The following STK38L variants were observed in gnomAD, a reference collection of about 807,000 sequenced individuals.
The protein encoded by STK38L is serine/threonine kinase 38 like.
STK38L carries 28 observed loss-of-function variants against 59.7 expected under a neutral mutation model. The ratio of observed to expected loss-of-function variants is 0.47; its 90% CI spans 0.35 to 0.64. The LOEUF (loss-of-function observed/expected upper bound fraction) is 0.64. Ranked by LOEUF, STK38L falls within the 30% of genes least tolerant of loss-of-function variation. The pLI is 0.01. For synonymous variants in STK38L, 162 were observed against 176.8 expected (o/e 0.92, Z 0.66); for missense variants, 314 against 555.8 (o/e 0.56, Z 4.37).
chr12:27,301,449 A>T (rs1944169213), intron 2 of STK38L, among the ~76,000 whole-genome samples: 1 of 152,116 alleles, frequency 6.6e-6, no homozygotes, highest in Admixed American at 6.5e-5. Context: ...TTTAGTAGAC[A>T]CGGGGTTTCA....
chr12:27,306,585 A>G (rs1944318120), intron 3 of STK38L, among the ~76,000 whole-genome samples: 1 of 152,126 alleles, frequency 6.6e-6, no homozygotes, highest in Non-Finnish European at 1.5e-5. Flanking sequence ...AGTCTTCACT[A>G]TTGTTTCAGG....
chr12:27,312,801 A>G, intron 6 of STK38L, 129 bp downstream of exon 6: 2 of 1,073,466 alleles, frequency 1.9e-6, no homozygotes, highest in Non-Finnish European at 2.6e-6. Context: ...GTTTAAAAAT[A>G]TTTACTACCA....
rs181677602 is a variant in STK38L at position 27,308,595 on chromosome 12, C to T, written c.309+134C>T. On this transcript the variant is annotated intron_variant, in intron 4 of 13. Transcript: ENST00000389032. The surrounding 1 kb of genome is among the most constrained non-coding windows in gnomAD (Gnocchi z 4.5). ...ATCCCAATACTTTGGGAGGCCGAGGCGGGTGGATCGCCTGAGGTCAGGAGT... is the reference window on the plus strand; with the variant it reads ...ATCCCAATACTTTGGGAGGCCGAGGTGGGTGGATCGCCTGAGGTCAGGAGT... 3.9e-5 allele frequency: 37 copies of T among 946,950 alleles called. No homozygotes were observed. Among genetic ancestry groups the T allele is most frequent in the Admixed American group, 8.4e-5 (2 of 23,716 alleles). The allele number at this position is 946,950 out of a possible 1,614,324, so 58.7% of individuals were successfully genotyped here. A position where few individuals can be genotyped will look rare whatever the true frequency, so the allele number is the denominator to read the frequency against.
chr12:27,284,500 A>C (rs539215783), intron 1 of STK38L, among the ~76,000 whole-genome samples: 1 of 152,348 alleles, frequency 6.6e-6, no homozygotes, highest in African/African-American at 2.4e-5. Flanking sequence ...TGATTTTATC[A>C]GCCTTGCCTC....
In STK38L at chr12:27,315,186, C is replaced by T. The variant is rs760379090; in HGVS notation, c.775+69C>T. 1.2e-5 allele frequency: 19 copies of T among 1,569,062 alleles called. No homozygotes were observed. The Middle Eastern group carries it at 6.7e-4, about 55-fold the overall frequency. On this transcript the variant is annotated intron_variant, in intron 8 of 13. Coordinates refer to ENST00000389032, the MANE Select transcript of STK38L (RefSeq NM_015000.4). Reference sequence around the variant, plus strand: ...CTGTAGAGAACAGAAGGTTCTTTCCCTTTCCCCACTCCTTAATCCACTGTG... The same window carrying T: ...CTGTAGAGAACAGAAGGTTCTTTCCTTTTCCCCACTCCTTAATCCACTGTG...
intron 1 of STK38L, among the ~76,000 whole-genome samples, chr12:27,257,769 G>C (rs1290556136): frequency 6.6e-6 from 1 of 152,032 alleles, no homozygotes; most frequent in Admixed American, 6.6e-5. Flanking sequence ...CCTTCCTTGT[G>C]CATGACTTTA....
chr12:27,309,605 CT>C (rs2136646043), intron 5 of STK38L, among the ~76,000 whole-genome samples: 1 of 152,322 alleles, frequency 6.6e-6, no homozygotes, highest in African/African-American at 2.4e-5. Flanking sequence ...TGTGAGAACT[CT>C]CTGGTGTCTC....
At chr12:27,303,001 A>C (rs1156274443) in intron 3 of STK38L, among the ~76,000 whole-genome samples, 2 of 135,142 alleles carry the variant, frequency 1.5e-5, no homozygotes, top group African/African-American at 5.8e-5. Flanking sequence ...CGACAGAGCA[A>C]GACTCCGTCT....
intron 1 of STK38L, among the ~76,000 whole-genome samples, chr12:27,247,914 A>C (rs1336494255): frequency 6.6e-6 from 1 of 151,416 alleles, no homozygotes; most frequent in Non-Finnish European, 1.5e-5. Flanking sequence ...TCTCAGGCTC[A>C]AGCGATCCTC....
intron 1 of STK38L, among the ~76,000 whole-genome samples, chr12:27,290,865 C>T (rs940021636): frequency 6.6e-6 from 1 of 152,086 alleles, no homozygotes; most frequent in African/African-American, 2.4e-5. Context: ...TCATGTGAAA[C>T]CTTCTACTTT....
chr12:27,306,943 A>G (rs1372507978), intron 3 of STK38L, among the ~76,000 whole-genome samples: 2 of 151,966 alleles, frequency 1.3e-5, no homozygotes, highest in Non-Finnish European at 2.9e-5. Flanking sequence ...GTTGGCCAGG[A>G]TGGTCTCGAT....
At chr12:27,292,317 T>C (rs1423193894) in intron 1 of STK38L, among the ~76,000 whole-genome samples, 1 of 152,276 alleles carries the variant, frequency 6.6e-6, no homozygotes, top group Non-Finnish European at 1.5e-5. Context: ...TGTCTGTGTC[T>C]GGTAAGAAGG....
intron 1 of STK38L, among the ~76,000 whole-genome samples, chr12:27,247,659 C>T (rs1265452230): frequency 2.0e-5 from 3 of 151,980 alleles, no homozygotes; most frequent in Non-Finnish European, 1.5e-5. Context: ...ATGTTTGCGT[C>T]TTTGTATATT....
intron 1 of STK38L, among the ~76,000 whole-genome samples, chr12:27,262,735 T>C (rs1943226713): frequency 6.7e-6 from 1 of 149,112 alleles, no homozygotes; most frequent in African/African-American, 2.5e-5. Context: ...AGGAATAATA[T>C]GGATAGATGT....
intron 1 of STK38L, among the ~76,000 whole-genome samples, chr12:27,249,749 T>C (rs1051226566): frequency 6.6e-6 from 1 of 152,238 alleles, no homozygotes; most frequent in East Asian, 1.9e-4. Flanking sequence ...GAAGGCTTCC[T>C]GTTTTCCTTG....
At chr12:27,294,879 T>TA (rs547338879) in intron 1 of STK38L, among the ~76,000 whole-genome samples, 17,349 of 134,844 alleles carry the variant, frequency 0.13, 1,139 homozygotes, top group Non-Finnish European at 0.17. Context: ...CCTAGCTAAG[T>TA]AAAAAAAAAA....
At chr12:27,314,949 G>A (rs1944550058) in intron 7 of STK38L, 66 bp from the exon 8 acceptor site, 1 of 1,186,170 alleles carries the variant, frequency 8.4e-7, no homozygotes, top group South Asian at 1.5e-5. Flanking sequence ...TTTAATAGAG[G>A]AGTTTATAAC....
At chr12:27,274,562 G>A (rs545869428) in intron 1 of STK38L, among the ~76,000 whole-genome samples, 2 of 152,288 alleles carry the variant, frequency 1.3e-5, no homozygotes, top group Admixed American at 1.3e-4. Context: ...GAGAAAACAG[G>A]TCCAGTCCAT....
intron 1 of STK38L, among the ~76,000 whole-genome samples, chr12:27,279,519 G>A (rs990104179): frequency 2.6e-5 from 4 of 151,866 alleles, no homozygotes; most frequent in African/African-American, 7.3e-5. Context: ...GAGGTCAGGC[G>A]TTCAAGACCA....
Sources: gnomAD v4.1 joint callset for allele counts (sites outside exome capture counted in the v4.1 genomes callset) on GRCh38, gnomAD v4.1.1 for gene constraint, Gnocchi (gnomAD v3.1) non-coding constraint, MANE v1.5 for transcripts, NCBI Gene and HGNC (gene_info 2026-07-23, HGNC 2026-07-21) for gene names.